The following CD1B variants were observed in gnomAD, a reference collection of about 807,000 sequenced individuals.
The protein encoded by CD1B is T-cell surface glycoprotein CD1b.
In CD1B, 43 loss-of-function variants were observed where a neutral mutation model predicts 39.8. That is an observed-to-expected ratio of 1.08 (90% CI 0.85 to 1.39). The LOEUF (loss-of-function observed/expected upper bound fraction) is 1.39. CD1B is among the 40% of genes most tolerant of loss of function. The pLI is 0.00. For missense variants in CD1B, 495 were observed against 403.8 expected (o/e 1.23, Z -1.94); for synonymous variants, 192 against 152.5 (o/e 1.26, Z -1.91).
chr1:158,304,014 C>T, the CD1B span, among the ~76,000 whole-genome samples: 43 of 152,112 alleles, frequency 2.8e-4, no homozygotes, highest in African/African-American at 9.6e-4. Flanking sequence ...CCAGCATGAG[C>T]GACACAGAAG....
chr1:158,298,416 G>A, the CD1B span, among the ~76,000 whole-genome samples: 4 of 152,080 alleles, frequency 2.6e-5, no homozygotes, highest in South Asian at 4.1e-4. Context: ...TTGACAGAAC[G>A]CTCCACCCAA....
At chr1:158,313,472 G>T in the CD1B span, among the ~76,000 whole-genome samples, 1 of 151,938 alleles carries the variant, frequency 6.6e-6, no homozygotes, top group African/African-American at 2.4e-5. Flanking sequence ...CACCATTTTT[G>T]GCTAATATTT....
At chr1:158,312,738 TG>T in the CD1B span, among the ~76,000 whole-genome samples, 7 of 152,224 alleles carry the variant, frequency 4.6e-5, no homozygotes, top group African/African-American at 1.4e-4. Flanking sequence ...TTAGTGCTCA[TG>T]GCTTTTTGAT....
chr1:158,330,214 G>T, intron 2 of CD1B, 84 bp from the exon 3 acceptor site: 1 of 1,281,928 alleles, frequency 7.8e-7, no homozygotes, highest in Non-Finnish European at 1.1e-6. Context: ...TTTAGATTTT[G>T]GTGGGGATAA....
the CD1B span, among the ~76,000 whole-genome samples, chr1:158,287,587 G>C: frequency 1.3e-5 from 2 of 152,150 alleles, no homozygotes; most frequent in Middle Eastern, 6.8e-3. Flanking sequence ...AGATCACTTG[G>C]ATTACACACT....
chr1:158,301,932 T>C, the CD1B span, among the ~76,000 whole-genome samples: 3 of 152,040 alleles, frequency 2.0e-5, no homozygotes, highest in South Asian at 6.2e-4. Flanking sequence ...AAATCAAACA[T>C]AGATTTTTTT....
chr1:158,285,457 G>A, the CD1B span, among the ~76,000 whole-genome samples: 5 of 152,136 alleles, frequency 3.3e-5, no homozygotes, highest in Non-Finnish European at 5.9e-5. Flanking sequence ...AGAATGAATG[G>A]GTAGGGAGTT....
the CD1B span, among the ~76,000 whole-genome samples, chr1:158,308,767 T>C: frequency 3.3e-5 from 5 of 152,202 alleles, no homozygotes; most frequent in South Asian, 2.1e-4. Flanking sequence ...CTGGGAAAAC[T>C]GGTTAGCCAT....
At chr1:158,318,492 C>T in the CD1B span, among the ~76,000 whole-genome samples, 1 of 152,008 alleles carries the variant, frequency 6.6e-6, no homozygotes, top group African/African-American at 2.4e-5. Flanking sequence ...CAATCCCTGC[C>T]TTTTTTTGTT....
chr1:158,286,662 G>C, the CD1B span, among the ~76,000 whole-genome samples: 1 of 152,142 alleles, frequency 6.6e-6, no homozygotes, highest in Admixed American at 6.5e-5. Context: ...GATCAGAGAG[G>C]AAAAACCAGG....
At chr1:158,292,541 G>A in the CD1B span, 259 of 1,575,152 alleles carry the variant, frequency 1.6e-4, 1 homozygote, top group African/African-American at 3.0e-3. Flanking sequence ...GTGTGTATGT[G>A]GATGTAAGTT....
At chr1:158,328,875 C>A (rs779714970) in intron 5 of CD1B, 46 bp downstream of exon 5, 4 of 1,313,636 alleles carry the variant, frequency 3.0e-6, no homozygotes, top group Non-Finnish European at 4.2e-6. Flanking sequence ...GAAGGGTGAA[C>A]AGAAAAGACA....
the CD1B span, chr1:158,291,444 T>C: frequency 1.3e-6 from 2 of 1,588,502 alleles, no homozygotes. Flanking sequence ...TAGAATGTTC[T>C]ATTTCAGGGA....
In CD1B at chr1:158,329,951, G is replaced by C; in HGVS notation, c.508C>G (p.Gln170Glu). ...ATTCTCACAGTTTCCATGATACCTT[G>C]ATATTGTATGATTAGTGCACAGAAT... is the stretch of plus-strand genomic sequence containing the variant. ...QKFCALIIQYQGIMETVRILL... is the reference protein window; with the variant it reads ...QKFCALIIQYEGIMETVRILL... Residue 170 changes from glutamine (Q) to glutamate (E), a missense_variant, in exon 3 of 6, where the codon CAA becomes GAA. Transcript: ENST00000368168. The C allele has an allele frequency of 6.2e-7, 1 of 1,614,014 alleles. No homozygotes were observed. Among genetic ancestry groups the C allele is most frequent in the East Asian group, 2.2e-5 (1 of 44,846 alleles).
At chr1:158,319,000 C>T in the CD1B span, among the ~76,000 whole-genome samples, 10 of 152,144 alleles carry the variant, frequency 6.6e-5, no homozygotes, top group East Asian at 1.7e-3. Flanking sequence ...CCCCCACTCT[C>T]TTCTGGCTTG....
At chr1:158,292,048 G>C in the CD1B span, 1 of 1,572,686 alleles carries the variant, frequency 6.4e-7, no homozygotes, top group African/African-American at 1.4e-5. Flanking sequence ...TCACTTTTTT[G>C]TTTGAACTCT....
downstream of CD1B, among the ~76,000 whole-genome samples, chr1:158,326,056 G>A (rs11264956): frequency 0.012 from 1,857 of 152,172 alleles, 36 homozygotes; most frequent in African/African-American, 0.041. Flanking sequence ...TGCAAGCTCC[G>A]CCTCCCGGGT....
intron 2 of CD1B, chr1:158,330,446 G>A (rs1429867673): frequency 7.2e-6 from 4 of 554,522 alleles, no homozygotes; most frequent in Admixed American, 3.1e-5. Context: ...GGTGCGGGGA[G>A]GAGATGATTG....
chr1:158,329,761 A>G (rs1652509906), intron 3 of CD1B, 91 bp downstream of exon 3: 4 of 1,558,100 alleles, frequency 2.6e-6, no homozygotes, highest in Non-Finnish European at 2.6e-6. Flanking sequence ...TGGGAACCAA[A>G]TAACTTGTTA....
Sources: gnomAD v4.1 joint callset for allele counts (sites outside exome capture counted in the v4.1 genomes callset) on GRCh38, gnomAD v4.1.1 for gene constraint, MANE v1.5 for transcripts, NCBI Gene and HGNC (gene_info 2026-07-23, HGNC 2026-07-21) for gene names.